TAFA2: variants seen among roughly 807,000 people sequenced by gnomAD.
TAFA2 encodes the protein chemokine-like protein TAFA-2.
A neutral mutation model predicts 18.8 loss-of-function variants in TAFA2; 7 were observed. That is an observed-to-expected ratio of 0.37 (90% CI 0.21 to 0.70). TAFA2 has a LOEUF of 0.70. Among genes scored for constraint, TAFA2 ranks in the 30% least tolerant of loss-of-function variants. The pLI is 0.53. For synonymous variants in TAFA2, 60 were observed against 54.2 expected, an observed-to-expected ratio of 1.11 and a Z score of -0.47; for missense variants, 122 against 158.1, an observed-to-expected ratio of 0.77 and a Z score of 1.23.
intron 1 of TAFA2, among the ~76,000 whole-genome samples, chr12:62,211,490 G>A (rs1451938374): frequency 2.6e-5 from 4 of 151,290 alleles, no homozygotes; most frequent in Non-Finnish European, 4.4e-5. Context: ...TGAAGCAGGA[G>A]AACTGCTTGA....
At chr12:61,732,249 A>G (rs962309196) in intron 4 of TAFA2, among the ~76,000 whole-genome samples, 3 of 152,128 alleles carry the variant, frequency 2.0e-5, no homozygotes, top group Non-Finnish European at 4.4e-5. Flanking sequence ...TGAAAAAAGT[A>G]CAAAAGGGTG....
intron 1 of TAFA2, among the ~76,000 whole-genome samples, chr12:62,011,612 G>A (rs1169231075): frequency 6.6e-6 from 1 of 152,048 alleles, no homozygotes; most frequent in African/African-American, 2.4e-5. Context: ...AAACACTGTG[G>A]AAGGCCGCAG....
chr12:61,747,117 G>A (rs919565101), intron 4 of TAFA2, among the ~76,000 whole-genome samples: 1 of 152,080 alleles, frequency 6.6e-6, no homozygotes, highest in Non-Finnish European at 1.5e-5. Context: ...ACATGAAAAA[G>A]TGCTCATCAC....
At chr12:61,744,046 A>G (rs1341606131) in intron 4 of TAFA2, among the ~76,000 whole-genome samples, 1 of 152,088 alleles carries the variant, frequency 6.6e-6, no homozygotes, top group Non-Finnish European at 1.5e-5. Flanking sequence ...TGCCTCTCCC[A>G]GGAATGCTTA....
intron 1 of TAFA2, among the ~76,000 whole-genome samples, chr12:61,927,990 T>C (rs987575841): frequency 3.1e-4 from 47 of 152,242 alleles, no homozygotes; most frequent in African/African-American, 1.1e-3. Flanking sequence ...CCCTTCCTTA[T>C]ACCTTATACA....
intron 1 of TAFA2, among the ~76,000 whole-genome samples, chr12:62,123,763 TCTC>T (rs1216504877): frequency 2.6e-4 from 26 of 100,666 alleles, no homozygotes; most frequent in Admixed American, 1.5e-3. Context: ...TATTCTCAAA[TCTC>T]CCCCACCACA....
At position 62,148,597 on chromosome 12, in the gene TAFA2, G is replaced by C. The variant is rs374311975; in HGVS notation, c.-2+42662C>G. Among the ~76,000 whole-genome samples the C allele has an allele frequency of 2.6e-5, 4 of 152,164 alleles. No homozygotes were observed. In the South Asian group the frequency reaches 6.2e-4, roughly 24 times the overall value. The stretch of plus-strand genomic sequence containing the variant: ...TGAAAAACTACCTATCAGATACTAT[G>C]TTCACTACTTGGGCAACAGGAACAT... On this transcript the variant is annotated intron_variant, in intron 1 of 4. Transcript: ENST00000416284.
intron 1 of TAFA2, among the ~76,000 whole-genome samples, chr12:61,909,407 AC>A (rs1876505567): frequency 6.6e-6 from 1 of 152,154 alleles, no homozygotes; most frequent in South Asian, 2.1e-4. Context: ...CACATTTGGA[AC>A]TTATCATCAT....
chr12:62,235,451 G>A lies in TAFA2; in HGVS notation c.-130+23312C>T, dbSNP rs192751279. On this transcript the variant is annotated intron_variant, in intron 1 of 5. Coordinates refer to the TAFA2 transcript ENST00000551619. ...CTACTTATCCTGGGCAGCCTGGTGC[G>A]CCGCCTGCCACTGGCTCAGCTTCCC... 2,076 of 618,266 alleles carry A rather than the reference G, an allele frequency of 3.4e-3. 8 individuals carry two copies. Among genetic ancestry groups the A allele is most frequent in the Middle Eastern group, 4.6e-3 (17 of 3,720 alleles). 38.3% of individuals were successfully genotyped at this position (618,266 alleles called of 1,614,324 possible).
intron 1 of TAFA2, among the ~76,000 whole-genome samples, chr12:61,966,431 G>A (rs1195257000): frequency 1.3e-5 from 2 of 151,764 alleles, no homozygotes; most frequent in Non-Finnish European, 2.9e-5. Context: ...CATGAGGGAG[G>A]GGCCTTTATG....
intron 1 of TAFA2, among the ~76,000 whole-genome samples, chr12:62,084,144 G>A (rs984607800): frequency 2.6e-5 from 4 of 152,120 alleles, no homozygotes; most frequent in African/African-American, 9.7e-5. Flanking sequence ...TGGCAACAGC[G>A]CTACATTTTT....
intron 4 of TAFA2, among the ~76,000 whole-genome samples, chr12:61,714,006 G>A (rs547172773): frequency 6.6e-6 from 1 of 152,034 alleles, no homozygotes; most frequent in Non-Finnish European, 1.5e-5. Flanking sequence ...TTTGGAAGAG[G>A]CCAAGTACTA....
chr12:61,966,489 C>A (rs1189370650), intron 1 of TAFA2, among the ~76,000 whole-genome samples: 1 of 151,846 alleles, frequency 6.6e-6, no homozygotes, highest in Non-Finnish European at 1.5e-5. Flanking sequence ...CCACATTGAG[C>A]ATTAAGTTTA....
intron 2 of TAFA2, among the ~76,000 whole-genome samples, chr12:61,837,639 C>T (rs773219320): frequency 1.3e-5 from 2 of 151,910 alleles, no homozygotes; most frequent in Non-Finnish European, 2.9e-5. Flanking sequence ...TCAATAATTA[C>T]TAATCAGATA....
chr12:62,006,422 T>C (rs773462673), intron 1 of TAFA2, among the ~76,000 whole-genome samples: 3 of 152,146 alleles, frequency 2.0e-5, no homozygotes, highest in Non-Finnish European at 4.4e-5. Flanking sequence ...TAGAGTAGCC[T>C]ACAAATGATT....
At chr12:62,070,306 TGTATGTGA>T in intron 1 of TAFA2, 1 of 152,292 alleles carries the variant, frequency 6.6e-6, no homozygotes, top group East Asian at 1.9e-4. Flanking sequence ...TCTGTGTGTG[TGTATGTGA>T]GAGAGAATAT....
rs191003169 is a variant in TAFA2, at chr12:61,875,640, T to A, written c.-1-8214A>T. 9.9e-5 allele frequency among the ~76,000 whole-genome samples: 15 copies of A among 152,276 alleles called. No homozygotes were observed. The East Asian group carries it at 2.3e-3, about 23-fold the overall frequency. On this transcript the variant is annotated intron_variant, in intron 1 of 4. Coordinates refer to ENST00000416284, the MANE Select transcript of TAFA2 (RefSeq NM_178539.5). Reference sequence around the variant, plus strand: ...TGAAATGTATGTGTCCACCAAATCATGATGATGTTTGTAAAGGACAGGGCT... The same window carrying A: ...TGAAATGTATGTGTCCACCAAATCAAGATGATGTTTGTAAAGGACAGGGCT...
In TAFA2 at chr12:61,715,959, C is replaced by T. The variant is rs537948849; in HGVS notation, c.385-5542G>A. The stretch of plus-strand genomic sequence containing the variant: ...TAAAAATTAAGAAAAAAATGAAGCA[C>T]GACTTTGATGTTCCATGAAGGTAGG... On this transcript the variant is annotated intron_variant, in intron 4 of 4. Coordinates refer to ENST00000416284, the MANE Select transcript of TAFA2 (RefSeq NM_178539.5). 3.6e-4 allele frequency among the ~76,000 whole-genome samples: 55 copies of T among 151,908 alleles called. 4 individuals are homozygous for T. In the South Asian group the frequency reaches 5.8e-3, roughly 16 times the overall value.
At chr12:61,793,512 C>A (rs1286743656) in intron 2 of TAFA2, among the ~76,000 whole-genome samples, 3 of 151,526 alleles carry the variant, frequency 2.0e-5, no homozygotes, top group Admixed American at 1.3e-4. Flanking sequence ...TGGGTAAATT[C>A]TTTTAAAAAC....
Sources: allele counts gnomAD v4.1 joint callset (sites outside exome capture counted in the v4.1 genomes callset), GRCh38; gene constraint gnomAD v4.1.1; transcripts MANE v1.5; gene names NCBI Gene and HGNC (gene_info 2026-07-23, HGNC 2026-07-21).